The following CYP7B1 variants were observed in gnomAD, a reference collection of about 807,000 sequenced individuals.
CYP7B1 encodes cytochrome P450 family 7 subfamily B member 1, also known as cytochrome P450 7B1.
CYP7B1 carries 29 observed loss-of-function variants against 42.7 expected under a neutral mutation model. That is an observed-to-expected ratio of 0.68 (90% CI 0.51 to 0.93). The LOEUF (loss-of-function observed/expected upper bound fraction) is 0.93, where lower values mean the gene tolerates loss of function less well. Among genes scored for constraint, CYP7B1 ranks in the 40% least tolerant of loss-of-function variants. The pLI is 0.00. For synonymous variants in CYP7B1, 235 were observed against 218.2 expected, an observed-to-expected ratio of 1.08 and a Z score of -0.68; for missense variants, 655 against 600.5, an observed-to-expected ratio of 1.09 and a Z score of -0.95.
chr8:64,713,403 G>C (rs1444060911), intron 1 of CYP7B1, among the ~76,000 whole-genome samples: 1 of 151,962 alleles, frequency 6.6e-6, no homozygotes, highest in African/African-American at 2.4e-5. Flanking sequence ...ATAAAAGCAG[G>C]CTCCCAAAAT....
At chr8:64,763,516 C>T (rs1455391452) in intron 1 of CYP7B1, among the ~76,000 whole-genome samples, 5 of 152,216 alleles carry the variant, frequency 3.3e-5, no homozygotes, top group Admixed American at 6.5e-5. Flanking sequence ...CGACCACTTT[C>T]GCTTGCTATT....
At chr8:64,686,059 T>TCAG (rs1806632708) in intron 1 of CYP7B1, among the ~76,000 whole-genome samples, 1 of 92,186 alleles carries the variant, frequency 1.1e-5, no homozygotes, top group African/African-American at 4.3e-5. Context: ...ATGGGGGGGG[T>TCAG]CAGCCCCCCC....
intron 5 of CYP7B1, among the ~76,000 whole-genome samples, chr8:64,603,225 CA>C (rs1805228279): frequency 6.6e-6 from 1 of 151,794 alleles, no homozygotes; most frequent in South Asian, 2.1e-4. Flanking sequence ...TTGAGTATTC[CA>C]AAAGAAAAAA....
chr8:64,720,174 A>AT (rs1315688349), intron 1 of CYP7B1, among the ~76,000 whole-genome samples: 3 of 152,142 alleles, frequency 2.0e-5, no homozygotes, highest in African/African-American at 4.8e-5. Flanking sequence ...ATAAATAGAG[A>AT]TTTTTTAGAG....
At position 64,780,261 on chromosome 8, in the gene CYP7B1, CTATT is replaced by C. The variant is rs1291934092; in HGVS notation, c.122+18201_122+18204del. On this transcript the variant is annotated intron_variant, in intron 1 of 5. Transcript: ENST00000310193. ...AAAAGATAACAATTACTGTACCAAA[CTATT>C]TATTCATTCATTCACCCTTCATTCT... 2.0e-5 allele frequency among the ~76,000 whole-genome samples: 3 copies of C among 152,090 alleles called. No homozygotes were observed. In the East Asian group the frequency reaches 5.8e-4, roughly 29 times the overall value.
chr8:64,610,885 G>A (rs1805353238), intron 4 of CYP7B1, among the ~76,000 whole-genome samples: 1 of 152,140 alleles, frequency 6.6e-6, no homozygotes, highest in East Asian at 1.9e-4. Context: ...TGTATGACTT[G>A]CATTAGTTTA....
intron 1 of CYP7B1, among the ~76,000 whole-genome samples, chr8:64,677,001 G>C (rs1445729133): frequency 6.6e-6 from 1 of 151,950 alleles, no homozygotes; most frequent in Admixed American, 6.6e-5. Context: ...GACATTTGGG[G>C]GCTTTTGTTC....
chr8:64,681,163 A>G (rs1272081248), intron 1 of CYP7B1, among the ~76,000 whole-genome samples: 1 of 152,224 alleles, frequency 6.6e-6, no homozygotes, highest in African/African-American at 2.4e-5. Context: ...ATTATCTATG[A>G]AAAGATAATT....
chr8:64,747,195 T>C (rs1324275561), intron 1 of CYP7B1, among the ~76,000 whole-genome samples: 1 of 148,036 alleles, frequency 6.8e-6, no homozygotes, highest in Non-Finnish European at 1.5e-5. Context: ...TTATACATAC[T>C]ATATATTTAT....
At chr8:64,695,511 C>A (rs1176925118) in intron 1 of CYP7B1, among the ~76,000 whole-genome samples, 2 of 150,978 alleles carry the variant, frequency 1.3e-5, no homozygotes, top group African/African-American at 4.9e-5. Flanking sequence ...TGCTAAATCT[C>A]TGTTATTTTA....
chr8:64,705,070 C>A (rs1806973185), intron 1 of CYP7B1, among the ~76,000 whole-genome samples: 1 of 151,934 alleles, frequency 6.6e-6, no homozygotes, highest in Non-Finnish European at 1.5e-5. Flanking sequence ...TTCAGTCATT[C>A]CCAGCTCTGG....
At chr8:64,691,117 C>CA (rs1412273308) in intron 1 of CYP7B1, among the ~76,000 whole-genome samples, 1 of 152,172 alleles carries the variant, frequency 6.6e-6, no homozygotes, top group African/African-American at 2.4e-5. Context: ...ATTACTTCAA[C>CA]ATTATACAAC....
intron 1 of CYP7B1, among the ~76,000 whole-genome samples, chr8:64,647,204 G>A (rs1354801765): frequency 2.0e-5 from 3 of 152,096 alleles, no homozygotes; most frequent in South Asian, 2.1e-4. Flanking sequence ...AACATTTACC[G>A]ATTAAGCTCA....
intron 1 of CYP7B1, among the ~76,000 whole-genome samples, chr8:64,687,744 T>C (rs1421887767): frequency 6.6e-6 from 1 of 152,250 alleles, no homozygotes; most frequent in Admixed American, 6.5e-5. Context: ...ACTCCTTGGA[T>C]AATTCAGAGT....
Position 64,680,160 on chromosome 8 carries a change from TTC to T in CYP7B1, c.123-55623_123-55622del, listed in dbSNP as rs1365047656. 3.3e-5 allele frequency among the ~76,000 whole-genome samples: 5 copies of T among 152,190 alleles called. No homozygotes were observed. In the East Asian group the frequency reaches 9.7e-4, roughly 29 times the overall value. ...TACAAGTGAGATCATGTGATATTTT[TTC>T]TTTCTTTGTCTTATTTTATTGTTTT... On this transcript the variant is annotated intron_variant, in intron 1 of 5. Coordinates refer to ENST00000310193, the MANE Select transcript of CYP7B1 (RefSeq NM_004820.5).
intron 5 of CYP7B1, among the ~76,000 whole-genome samples, chr8:64,599,244 A>G (rs1585797416): frequency 6.6e-6 from 1 of 151,862 alleles, no homozygotes; most frequent in Non-Finnish European, 1.5e-5. Flanking sequence ...GTTGGAGTGC[A>G]GTGGCGCGAT....
chr8:64,746,536 A>G (rs1563413082), intron 1 of CYP7B1, among the ~76,000 whole-genome samples: 2 of 152,224 alleles, frequency 1.3e-5, no homozygotes, highest in Admixed American at 6.5e-5. Context: ...GATTTAAAAG[A>G]AGTAGTAACT....
intron 1 of CYP7B1, among the ~76,000 whole-genome samples, chr8:64,641,750 TG>T (rs1162856738): frequency 2.0e-5 from 3 of 152,138 alleles, no homozygotes; most frequent in African/African-American, 7.2e-5. Context: ...ACTCTTTGGC[TG>T]ATGAACTGTT....
At chr8:64,772,387 G>A (rs1290270478) in intron 1 of CYP7B1, among the ~76,000 whole-genome samples, 1 of 152,182 alleles carries the variant, frequency 6.6e-6, no homozygotes, top group Non-Finnish European at 1.5e-5. Context: ...TCTAGAGTGT[G>A]AGCCAGCCAC....
Sources: allele counts gnomAD v4.1 joint callset (sites outside exome capture counted in the v4.1 genomes callset), GRCh38; gene constraint gnomAD v4.1.1; transcripts MANE v1.5; gene names NCBI Gene and HGNC (gene_info 2026-07-23, HGNC 2026-07-21).